EVC: variants seen among roughly 807,000 people sequenced by gnomAD.
EVC encodes the protein EvC ciliary complex subunit 1.
Under a neutral mutation model 118.9 loss-of-function variants are expected in EVC, and 116 were observed. The ratio of observed to expected loss-of-function variants is 0.98; its 90% CI spans 0.84 to 1.14. The LOEUF (loss-of-function observed/expected upper bound fraction) is 1.14. Among genes scored for constraint, EVC ranks in the 50% most tolerant of loss-of-function variants. The pLI is 0.00. For missense variants in EVC, 1,401 were observed against 1,246.4 expected (o/e 1.12, Z -1.87); for synonymous variants, 619 against 534.7 (o/e 1.16, Z -2.18).
chr4:5,786,885 A>AG (rs1328093802), intron 12 of EVC, among the ~76,000 whole-genome samples: 1 of 152,050 alleles, frequency 6.6e-6, no homozygotes, highest in Non-Finnish European at 1.5e-5. Context: ...AAAAAAAAAA[A>AG]AAAAATTAAC....
intron 3 of EVC, among the ~76,000 whole-genome samples, chr4:5,729,641 G>T (rs937302861): frequency 6.6e-6 from 1 of 152,088 alleles, no homozygotes; most frequent in Non-Finnish European, 1.5e-5. Context: ...CTCCCTCTCT[G>T]CCTTTTTAAC....
At chr4:5,828,864 A>C in the EVC span, among the ~76,000 whole-genome samples, 5 of 152,086 alleles carry the variant, frequency 3.3e-5, no homozygotes, top group Non-Finnish European at 7.4e-5. Context: ...ACCGTTGCGC[A>C]TGTAGGCTGC....
chr4:5,735,537 T>A (rs1414001048), intron 5 of EVC, among the ~76,000 whole-genome samples: 2 of 152,194 alleles, frequency 1.3e-5, no homozygotes, highest in African/African-American at 4.8e-5. Flanking sequence ...AACTCTGGGC[T>A]CCATATCACA....
rs539144306 is a variant in EVC, at chr4:5,773,987, G to T, written c.1564-9565G>T. 2.0e-5 allele frequency among the ~76,000 whole-genome samples: 3 copies of T among 152,120 alleles called. No homozygotes were observed. In the South Asian group the frequency reaches 6.2e-4, roughly 32 times the overall value. The stretch of plus-strand genomic sequence containing the variant: ...AGGGAATCCCAGAAAGATCCATTCC[G>T]TGGACTCTGAACCTTCATTGGTGCA... On this transcript the variant is annotated intron_variant, in intron 11 of 20. Coordinates refer to ENST00000264956, the MANE Select transcript of EVC (RefSeq NM_153717.3).
At chr4:5,801,159 C>T (rs375401831) in intron 15 of EVC, among the ~76,000 whole-genome samples, 2 of 152,132 alleles carry the variant, frequency 1.3e-5, no homozygotes, top group South Asian at 4.1e-4. Context: ...TAGAAGTTAC[C>T]CCATACCACA....
In EVC at chr4:5,755,949, G is replaced by A. The variant is rs933635174; in HGVS notation, c.1465-315G>A. ...CATCAGTGGGTCTTCCATGGCCTGG[G>A]TGGTCAGAAAGTGATGTCTGGGTGG... On this transcript the variant is annotated intron_variant, in intron 10 of 20. Transcript: ENST00000264956. The surrounding 1 kb of genome is among the most constrained non-coding windows in gnomAD (Gnocchi z 4.1). Among the ~76,000 whole-genome samples the A allele has an allele frequency of 9.2e-5, 14 of 152,166 alleles. No homozygotes were observed. Among genetic ancestry groups the A allele is most frequent in the African/African-American group, 3.1e-4 (13 of 41,434 alleles).
intron 2 of EVC, among the ~76,000 whole-genome samples, chr4:5,726,318 G>A (rs1176000060): frequency 1.3e-5 from 2 of 152,194 alleles, no homozygotes; most frequent in Non-Finnish European, 2.9e-5. Context: ...TTGCCTGTCT[G>A]CTTATCTTCA....
the EVC span, chr4:5,825,609 G>C: frequency 6.2e-7 from 1 of 1,605,530 alleles, no homozygotes; most frequent in Non-Finnish European, 8.5e-7. This position sits in a 1 kb window ranked among gnomAD's most constrained non-coding sequence, Gnocchi z 4.4. Context: ...CTGGTACCTC[G>C]TACACAGGAC....
Position 5,719,366 on chromosome 4 carries a change from C to G in EVC, c.293C>G (p.Ala98Gly). ...GTGCAGATGTCGAAGGACAAGGAAGCTGTTGATGTAAGCTTGGTGTTGATG... is the reference window on the plus strand; with the variant it reads ...GTGCAGATGTCGAAGGACAAGGAAGGTGTTGATGTAAGCTTGGTGTTGATG... ...REVQMSKDKE[A>G]VDECEPPSNS... The change falls in exon 2 of 21, where the codon GCT (alanine) becomes GGT (glycine). Residue 98 changes from alanine to glycine, a missense_variant. Coordinates refer to ENST00000264956, the MANE Select transcript of EVC (RefSeq NM_153717.3). The surrounding 1 kb of genome is among the most constrained non-coding windows in gnomAD (Gnocchi z 4.7). The G allele has an allele frequency of 3.1e-6, 5 of 1,614,162 alleles. No homozygotes were observed. The highest frequency in any genetic ancestry group is 4.2e-6 in the Non-Finnish European group (5 of 1,180,020).
chr4:5,741,642 G>C (rs927500832), intron 5 of EVC, 74 bp from the exon 6 acceptor site: 3 of 858,488 alleles, frequency 3.5e-6, no homozygotes, highest in Admixed American at 3.9e-5. Context: ...AGGGAGAAGA[G>C]AAAACAGAAA....
At chr4:5,825,001 C>T in the EVC span, 1 of 985,156 alleles carries the variant, frequency 1.0e-6, no homozygotes, top group South Asian at 4.7e-5. The surrounding 1 kb of genome is among the most constrained non-coding windows in gnomAD (Gnocchi z 4.4). Context: ...TCCGTTTCCT[C>T]TTTAAATAAA....
rs1170405660 is a variant in EVC at position 5,758,105 on chromosome 4, A to C, written c.1563+1743A>C. The C allele has an allele frequency of 1.1e-5, 8 of 702,470 alleles. No homozygotes were observed. The Admixed American group carries it at 1.4e-4, about 12-fold the overall frequency. The allele number at this position is 702,470 out of a possible 1,614,324, so 43.5% of individuals were successfully genotyped here. ...GAAGGCCATGAGAAGACATAGAGAC[A>C]CAGGGAAGGAGGCTGTTTGAAGACA... is the stretch of plus-strand genomic sequence containing the variant. On this transcript the variant is annotated intron_variant, in intron 11 of 20. Coordinates refer to ENST00000264956, the MANE Select transcript of EVC (RefSeq NM_153717.3).
chr4:5,771,706 C>T (rs1160011411), intron 11 of EVC, among the ~76,000 whole-genome samples: 1 of 152,168 alleles, frequency 6.6e-6, no homozygotes, highest in East Asian at 1.9e-4. Flanking sequence ...CACCACAGAC[C>T]TCCCCGTCGC....
At chr4:5,714,631 C>T (rs1164309144) in intron 1 of EVC, among the ~76,000 whole-genome samples, 2 of 152,038 alleles carry the variant, frequency 1.3e-5, no homozygotes, top group South Asian at 2.1e-4. Context: ...ACTCTCAATA[C>T]GGAGGTTATA....
At chr4:5,715,198 T>C (rs1723745908) in intron 1 of EVC, among the ~76,000 whole-genome samples, 1 of 152,234 alleles carries the variant, frequency 6.6e-6, no homozygotes, top group African/African-American at 2.4e-5. Flanking sequence ...TCAAGACATT[T>C]GAATGCATTA....
rs1199535701 is a variant in EVC at position 5,801,886 on chromosome 4, T to C, written c.2305-64T>C. On this transcript the variant is annotated intron_variant, in intron 15 of 20. Coordinates refer to ENST00000264956, the MANE Select transcript of EVC (RefSeq NM_153717.3). ...AGGGCATGGGGAGGCAGGGACTGGA[T>C]GGGCCGTGGGTGGCTCCCACGTGTG... 3.8e-6 allele frequency: 6 copies of C among 1,576,714 alleles called. No individual in the cohort carries two copies. In the African/African-American group the frequency reaches 8.1e-5, roughly 21 times the overall value.
chr4:5,828,090 A>C, the EVC span: 3 of 985,302 alleles, frequency 3.0e-6, no homozygotes, highest in South Asian at 1.4e-4. Context: ...GCCAGACCCG[A>C]GGGTTTCTGA....
At chr4:5,785,453 C>G (rs1404357046) in intron 12 of EVC, among the ~76,000 whole-genome samples, 1 of 152,228 alleles carries the variant, frequency 6.6e-6, no homozygotes, top group African/African-American at 2.4e-5. Context: ...TTTCCTAAAA[C>G]AATTCCTTGG....
intron 2 of EVC, 75 bp from the exon 3 acceptor site, chr4:5,729,232 A>G (rs2151918457): frequency 1.4e-6 from 2 of 1,430,212 alleles, no homozygotes; most frequent in East Asian, 4.5e-5. Context: ...GGGATGTGGC[A>G]TTTTGGAAAA....
Sources: allele counts gnomAD v4.1 joint callset (sites outside exome capture counted in the v4.1 genomes callset), GRCh38; gene constraint gnomAD v4.1.1; non-coding constraint Gnocchi (gnomAD v3.1); transcripts MANE v1.5; gene names NCBI Gene and HGNC (gene_info 2026-07-23, HGNC 2026-07-21).